Variants in FKBP9 observed in about 807,000 individuals in gnomAD.
FKBP9 encodes the protein FKBP prolyl isomerase 9.
In FKBP9, 27 loss-of-function variants were observed where a neutral mutation model predicts 55.6. The ratio of observed to expected loss-of-function variants is 0.49; its 90% CI spans 0.36 to 0.67. The LOEUF (loss-of-function observed/expected upper bound fraction) is 0.67. FKBP9 is among the 30% of genes least tolerant of loss of function. The probability of loss-of-function intolerance (pLI) is 0.00; values close to 1 mark genes in which losing one functional copy is unlikely to be tolerated. For synonymous variants in FKBP9, 267 were observed against 296.5 expected (o/e 0.90, Z 1.02); for missense variants, 539 against 742.8 (o/e 0.73, Z 3.19).
At chr7:32,976,016 AG>A (rs1234217230) in intron 3 of FKBP9, among the ~76,000 whole-genome samples, 1 of 152,164 alleles carries the variant, frequency 6.6e-6, no homozygotes, top group African/African-American at 2.4e-5. Context: ...CATGGAAGCA[AG>A]AGGGAAAAGA....
chr7:32,994,824 A>C (rs1317133188), intron 6 of FKBP9, among the ~76,000 whole-genome samples: 4 of 152,126 alleles, frequency 2.6e-5, no homozygotes, highest in Admixed American at 2.0e-4. Context: ...TAGGAGAGAG[A>C]CCAATCAAGA....
intron 5 of FKBP9, among the ~76,000 whole-genome samples, chr7:32,982,891 G>T (rs1417482867): frequency 6.6e-6 from 1 of 151,968 alleles, no homozygotes; most frequent in African/African-American, 2.4e-5. Flanking sequence ...GACACTTAAG[G>T]CTGCAGTAAT....
At chr7:32,973,365 T>C (rs1784289054) in intron 1 of FKBP9, among the ~76,000 whole-genome samples, 2 of 152,286 alleles carry the variant, frequency 1.3e-5, no homozygotes, top group African/African-American at 4.8e-5. Context: ...GACTACATCA[T>C]ACTTTCTATT....
intron 8 of FKBP9, among the ~76,000 whole-genome samples, chr7:33,000,600 G>A (rs1031536760): frequency 2.6e-4 from 39 of 151,598 alleles, no homozygotes; most frequent in Admixed American, 1.3e-3. Context: ...ACTGTTTCCT[G>A]GGACAGGTGG....
At chr7:32,991,483 A>G (rs1784681140) in intron 6 of FKBP9, among the ~76,000 whole-genome samples, 1 of 152,250 alleles carries the variant, frequency 6.6e-6, no homozygotes, top group African/African-American at 2.4e-5. Context: ...GAGAGGGGTC[A>G]GGATGCTGAA....
Position 32,974,754 on chromosome 7 carries a change from A to G in FKBP9, c.359A>G (p.Glu120Gly). Residue 120 changes from glutamate (E) to glycine (G), a missense_variant, in exon 2 of 10, where the codon GAA becomes GGA. By Grantham distance (98) the Glu-to-Gly change is moderately conservative. Coordinates refer to ENST00000242209, the MANE Select transcript of FKBP9 (RefSeq NM_007270.5). ...KIPPKLAYGN[E>G]GVSGVIPPNS... Reference sequence around the variant, plus strand: ...CCCCCAAAGCTTGCCTACGGAAATGAAGGAGTTTGTAAGCTTTTCTTCCTC... The same window carrying G: ...CCCCCAAAGCTTGCCTACGGAAATGGAGGAGTTTGTAAGCTTTTCTTCCTC... The G allele has an allele frequency of 1.2e-6, 2 of 1,613,502 alleles. No homozygotes were observed. Among genetic ancestry groups the G allele is most frequent in the South Asian group, 1.1e-5 (1 of 90,974 alleles).
At chr7:32,965,408 G>A (rs530247398) in intron 1 of FKBP9, among the ~76,000 whole-genome samples, 17 of 152,144 alleles carry the variant, frequency 1.1e-4, no homozygotes, top group Admixed American at 7.2e-4. Context: ...TGGGATTACC[G>A]CTTGAGCCAC....
chr7:32,971,302 G>A (rs1331391172), intron 1 of FKBP9, among the ~76,000 whole-genome samples: 10 of 152,202 alleles, frequency 6.6e-5, no homozygotes, highest in African/African-American at 2.2e-4. Flanking sequence ...GACTGGTCTT[G>A]CATTGTTAGC....
At chr7:32,965,866 T>TATGTATAC (rs70989913) in intron 1 of FKBP9, among the ~76,000 whole-genome samples, 4 of 97,538 alleles carry the variant, frequency 4.1e-5, no homozygotes, top group Non-Finnish European at 5.6e-5. Context: ...TATATATATA[T>TATGTATAC]ACATACATAT....
At chr7:32,990,667 T>C (rs1583863841) in intron 6 of FKBP9, among the ~76,000 whole-genome samples, 1 of 152,272 alleles carries the variant, frequency 6.6e-6, no homozygotes, top group East Asian at 1.9e-4. Flanking sequence ...ACAACAGATA[T>C]GTTGTGAACA....
chr7:32,957,749 A>T lies in FKBP9; in HGVS notation c.176A>T (p.Tyr59Phe). 1.3e-6 allele frequency: 2 copies of T among 1,511,820 alleles called. No homozygotes were observed. Among genetic ancestry groups the T allele is most frequent in the African/African-American group, 1.4e-5 (1 of 69,420 alleles). The allele number at this position is 1,511,820 out of a possible 1,614,324, so 93.7% of individuals were successfully genotyped here. Residue 59 changes from tyrosine to phenylalanine, a missense_variant, in exon 1 of 10, where the codon TAC becomes TTC. Tyr to Phe is a conservative substitution (Grantham distance 22). Transcript: ENST00000242209. ...GTGCGCAGCGGCGACTTCGTGCGCT[A>T]CCACTACGTGGGGACGTTCCCCGAC... ...RTVRSGDFVR[Y>F]HYVGTFPDGQ...
intron 1 of FKBP9, among the ~76,000 whole-genome samples, chr7:32,971,647 A>AT (rs1158299485): frequency 6.6e-6 from 1 of 152,062 alleles, no homozygotes; most frequent in African/African-American, 2.4e-5. Flanking sequence ...TGCTCAGCTA[A>AT]TTTTTTGTAT....
At chr7:32,979,896 T>C (rs1202585034) in intron 4 of FKBP9, among the ~76,000 whole-genome samples, 9 of 151,768 alleles carry the variant, frequency 5.9e-5, no homozygotes, top group South Asian at 2.1e-4. Flanking sequence ...ACTTAAAGCA[T>C]TGAGTTTTAC....
chr7:32,992,527 T>C (rs543923388), intron 6 of FKBP9, among the ~76,000 whole-genome samples: 1 of 152,380 alleles, frequency 6.6e-6, no homozygotes, highest in African/African-American at 2.4e-5. Context: ...TAAGGGTTTA[T>C]ACAGAGAGGA....
chr7:32,979,465 T>C lies in FKBP9; in HGVS notation c.704-899T>C, dbSNP rs552717684. ...GGCTTTCAGCAGATTTCATCATTCCTTGGATGGGAAGGAGATGCAGGGTGG... is the reference window on the plus strand; with the variant it reads ...GGCTTTCAGCAGATTTCATCATTCCCTGGATGGGAAGGAGATGCAGGGTGG... On this transcript the variant is annotated intron_variant, in intron 4 of 9. Transcript: ENST00000242209. The C allele has an allele frequency of 2.0e-6, 3 of 1,497,014 alleles. No homozygotes were observed. The East Asian group carries it at 7.4e-5, about 37-fold the overall frequency. The allele number at this position is 1,497,014 out of a possible 1,614,324, so 92.7% of individuals were successfully genotyped here.
chr7:32,974,482 C>G (rs1460116423), intron 1 of FKBP9, 135 bp from the exon 2 acceptor site: 2 of 660,750 alleles, frequency 3.0e-6, no homozygotes, highest in Non-Finnish European at 5.3e-6. Flanking sequence ...GTTCCTGTAT[C>G]AGTAACTCCT....
chr7:32,980,729 T>C (rs537156299), intron 5 of FKBP9, among the ~76,000 whole-genome samples, 176 bp downstream of exon 5: 29 of 149,710 alleles, frequency 1.9e-4, no homozygotes, highest in South Asian at 4.2e-4. Flanking sequence ...TTCCTTCCTT[T>C]CTTTCTTTCT....
chr7:33,004,045 C>G (rs1168038413), intron 9 of FKBP9, among the ~76,000 whole-genome samples: 1 of 152,086 alleles, frequency 6.6e-6, no homozygotes, highest in Non-Finnish European at 1.5e-5. Context: ...TCACTGGCCT[C>G]CAGTGGCTCA....
At chr7:32,977,861 A>G (rs1002597859) in intron 4 of FKBP9, among the ~76,000 whole-genome samples, 5 of 129,876 alleles carry the variant, frequency 3.8e-5, no homozygotes, top group African/African-American at 5.5e-5. Context: ...ATATATATAT[A>G]TACATGCCCA....
Sources: gnomAD v4.1 joint callset for allele counts (sites outside exome capture counted in the v4.1 genomes callset) on GRCh38, gnomAD v4.1.1 for gene constraint, MANE v1.5 for transcripts, NCBI Gene and HGNC (gene_info 2026-07-23, HGNC 2026-07-21) for gene names.